The following SESN3 variants were observed in gnomAD, a reference collection of about 807,000 sequenced individuals.
SESN3 encodes sestrin-3.
SESN3 carries 21 observed loss-of-function variants against 55.3 expected under a neutral mutation model. That is an observed-to-expected ratio of 0.38 (90% CI 0.27 to 0.55). The LOEUF (loss-of-function observed/expected upper bound fraction) is 0.55, where lower values mean the gene tolerates loss of function less well. SESN3 is among the 20% of genes least tolerant of loss of function. The probability of loss-of-function intolerance (pLI) is 0.76; values close to 1 mark genes in which losing one functional copy is unlikely to be tolerated. For missense variants in SESN3, 408 were observed against 604.3 expected, an observed-to-expected ratio of 0.68 and a Z score of 3.41; for synonymous variants, 181 against 203.1, an observed-to-expected ratio of 0.89 and a Z score of 0.93.
intron 4 of SESN3, among the ~76,000 whole-genome samples, chr11:95,188,577 T>G (rs1395534869): frequency 6.6e-6 from 1 of 151,886 alleles, no homozygotes; most frequent in African/African-American, 2.4e-5. Flanking sequence ...CTGAAACTGT[T>G]GGCTATTCTT....
chr11:95,181,947 T>C (rs1439413094), intron 6 of SESN3, among the ~76,000 whole-genome samples: 1 of 152,160 alleles, frequency 6.6e-6, no homozygotes, highest in Non-Finnish European at 1.5e-5. Context: ...TGTATTTTTA[T>C]ATATATGTGT....
At position 95,173,157 on chromosome 11, in the gene SESN3, G is replaced by A; in HGVS notation, c.*98C>T. Reference sequence around the variant, plus strand: ...CAAACGGCTAAACTTTGACACTAGAGAACTGAATAATTTTTGATGCTATAT... The same window carrying A: ...CAAACGGCTAAACTTTGACACTAGAAAACTGAATAATTTTTGATGCTATAT... On this transcript the variant is annotated 3_prime_UTR_variant, in exon 10 of 10. Coordinates refer to ENST00000536441, the MANE Select transcript of SESN3 (RefSeq NM_144665.4). The A allele has an allele frequency of 1.5e-6, 1 of 652,460 alleles. No homozygotes were observed. The highest frequency in any genetic ancestry group is 2.7e-5 in the South Asian group (1 of 37,234). The allele number at this position is 652,460 out of a possible 1,614,324, so 40.4% of individuals were successfully genotyped here. A position where few individuals can be genotyped will look rare whatever the true frequency, so the allele number is the denominator to read the frequency against.
At chr11:95,228,980 C>A (rs1366503299) in intron 1 of SESN3, among the ~76,000 whole-genome samples, 1 of 152,130 alleles carries the variant, frequency 6.6e-6, no homozygotes, top group Non-Finnish European at 1.5e-5. Context: ...AAATGAAATA[C>A]ATTTTGAAGC....
chr11:95,197,304 CT>C, intron 1 of SESN3, among the ~76,000 whole-genome samples: 1 of 152,198 alleles, frequency 6.6e-6, no homozygotes, highest in African/African-American at 2.4e-5. Flanking sequence ...ACCATTCTAC[CT>C]TTTGCTTTTT....
chr11:95,214,233 A>G (rs1027386178), intron 1 of SESN3, among the ~76,000 whole-genome samples: 7 of 152,210 alleles, frequency 4.6e-5, no homozygotes, highest in African/African-American at 1.7e-4. Context: ...GGGGCAGCCC[A>G]TGCGTAAGGA....
chr11:95,177,874 C>T lies in SESN3; in HGVS notation c.1092G>A (p.Val364=), dbSNP rs61745708. The T allele has an allele frequency of 5.3e-4, 846 of 1,599,204 alleles. 5 individuals carry two copies. In the African/African-American group the frequency reaches 0.01, roughly 19 times the overall value. ...GTCCAATGTCAGAATAAAGTCTGTTCACCAGGGAGAACCCATGATTTTCCC... is the reference window on the plus strand; with the variant it reads ...GTCCAATGTCAGAATAAAGTCTGTTTACCAGGGAGAACCCATGATTTTCCC... ...YTWENHGFSL[V]NRLYSDIGHL... The change falls in exon 8 of 10, where the codon GTG becomes GTA. Residue 364 remains valine, a synonymous_variant. Transcript: ENST00000536441.
chr11:95,223,729 C>T (rs1860900193), intron 1 of SESN3, among the ~76,000 whole-genome samples: 1 of 152,056 alleles, frequency 6.6e-6, no homozygotes, highest in South Asian at 2.1e-4. Flanking sequence ...CATAGAATTA[C>T]ACCATATACT....
intron 6 of SESN3, among the ~76,000 whole-genome samples, chr11:95,180,141 T>C (rs773688078): frequency 6.6e-6 from 1 of 152,158 alleles, no homozygotes; most frequent in Non-Finnish European, 1.5e-5. Flanking sequence ...AAAGGAACAA[T>C]ATTTTCATTA....
At chr11:95,199,032 AT>A (rs1860415171) in intron 1 of SESN3, among the ~76,000 whole-genome samples, 1 of 152,178 alleles carries the variant, frequency 6.6e-6, no homozygotes, top group Non-Finnish European at 1.5e-5. Context: ...GAGAGATACC[AT>A]TCTTCAGAGT....
chr11:95,220,090 T>G (rs910653972), intron 1 of SESN3, among the ~76,000 whole-genome samples: 1 of 152,146 alleles, frequency 6.6e-6, no homozygotes. Context: ...CTTCCAGAGA[T>G]GTAGATTCTG....
intron 3 of SESN3, among the ~76,000 whole-genome samples, chr11:95,190,298 A>T (rs1860243088): frequency 6.6e-6 from 1 of 151,912 alleles, no homozygotes; most frequent in African/African-American, 2.4e-5. Flanking sequence ...CTTAAAACAT[A>T]ATAAAATCTC....
chr11:95,180,537 T>G (rs10765714), intron 6 of SESN3, among the ~76,000 whole-genome samples: 1 of 151,958 alleles, frequency 6.6e-6, no homozygotes, highest in Non-Finnish European at 1.5e-5. Context: ...GTTTACTGAG[T>G]ACTTACCATA....
At chr11:95,231,318 A>G (rs1359124736), upstream of SESN3, 3 of 389,430 alleles carry the variant, frequency 7.7e-6, no homozygotes, top group Non-Finnish European at 1.4e-5. Context: ...GCCAATGAGC[A>G]ACGAGAGCCC....
Position 95,231,106 on chromosome 11 carries a change from ACCCGCCCCCATCTTCCAGACC to A in SESN3, c.-267_-247del, listed in dbSNP as rs1861053623. On this transcript the variant is annotated 5_prime_UTR_variant, in exon 1 of 10. It removes an upstream start codon present in the reference 5' UTR. Coordinates refer to ENST00000536441, the MANE Select transcript of SESN3 (RefSeq NM_144665.4). ...CTGCTCCTCACCGGCCCGTTGTTCCACCCGCCCCCATCTTCCAGACCCCCGCCCCCGCCAGGCTAGGACGAG... is the reference window on the plus strand; with the variant it reads ...CTGCTCCTCACCGGCCCGTTGTTCCACCCGCCCCCGCCAGGCTAGGACGAG... 1 of 335,314 alleles carries A rather than the reference ACCCGCCCCCATCTTCCAGACC, an allele frequency of 3.0e-6. No individual in the cohort carries two copies. Among genetic ancestry groups the A allele is most frequent in the Admixed American group, 5.1e-5 (1 of 19,624 alleles). The allele number at this position is 335,314 out of a possible 1,614,324, so 20.8% of individuals were successfully genotyped here.
chr11:95,230,647 T>C lies in SESN3; in HGVS notation c.78+136A>G, dbSNP rs1591086052. 1.3e-5 allele frequency: 8 copies of C among 633,024 alleles called. 1 individual carries two copies. The South Asian group carries it at 1.5e-4, about 12-fold the overall frequency. 39.2% of individuals were successfully genotyped at this position (633,024 alleles called of 1,614,324 possible). A position where few individuals can be genotyped will look rare whatever the true frequency, so the allele number is the denominator to read the frequency against. ...CCTCCTGCCCTCAACCCACGCCCCC[T>C]TTCTCAGTCCCTGCGGAGGGACGGT... On this transcript the variant is annotated intron_variant, in intron 1 of 9. Coordinates refer to ENST00000536441, the MANE Select transcript of SESN3 (RefSeq NM_144665.4). This position sits in a 1 kb window ranked among gnomAD's most constrained non-coding sequence, Gnocchi z 4.6.
intron 1 of SESN3, among the ~76,000 whole-genome samples, chr11:95,216,269 G>GA (rs1860755357): frequency 6.6e-6 from 1 of 152,078 alleles, no homozygotes; most frequent in African/African-American, 2.4e-5. Context: ...AGAACAAAAA[G>GA]AAATGGCCTT....
rs767125203 is a variant in SESN3 at position 95,177,720 on chromosome 11, T to G, written c.1246A>C (p.Arg416=). 1 of 1,602,524 alleles carries G rather than the reference T, an allele frequency of 6.2e-7. No individual in the cohort carries two copies. The highest frequency in any genetic ancestry group is 1.1e-5 in the South Asian group (1 of 88,742). ...AAACTGTCTCTACAATGAACATACC[T>G]GATTCCAAACATACAGTGAACATAG... is the stretch of plus-strand genomic sequence containing the variant. ...FNYVHCMFGI[R]YDDYDYGEVN... The change falls in exon 8 of 10, where the codon AGG becomes CGG. Residue 416 remains arginine (R), a splice_region_variant and synonymous_variant. Transcript: ENST00000536441.
intron 1 of SESN3, among the ~76,000 whole-genome samples, chr11:95,222,899 T>C (rs1860883706): frequency 6.6e-6 from 1 of 152,180 alleles, no homozygotes; most frequent in African/African-American, 2.4e-5. Flanking sequence ...AAGGAAACTG[T>C]TATGGGGACA....
intron 2 of SESN3, among the ~76,000 whole-genome samples, chr11:95,191,910 G>A (rs995377058): frequency 1.3e-5 from 2 of 152,018 alleles, no homozygotes; most frequent in Non-Finnish European, 2.9e-5. Context: ...GGGTCCATTT[G>A]CCTGGCCATT....
Sources: gnomAD v4.1 joint callset for allele counts (sites outside exome capture counted in the v4.1 genomes callset) on GRCh38, gnomAD v4.1.1 for gene constraint, Gnocchi (gnomAD v3.1) non-coding constraint, MANE v1.5 for transcripts, NCBI Gene and HGNC (gene_info 2026-07-23, HGNC 2026-07-21) for gene names.